Variants in C3orf70 observed in about 807,000 individuals in gnomAD.
C3orf70 encodes the protein UPF0524 protein C3orf70.
C3orf70 carries 15 observed loss-of-function variants against 20.7 expected under a neutral mutation model. The observed-to-expected ratio is 0.72, with a 90% CI of 0.48 to 1.11. The LOEUF (loss-of-function observed/expected upper bound fraction) is 1.11. C3orf70 is among the 50% of genes most tolerant of loss of function. C3orf70 has a pLI of 0.00. For missense variants in C3orf70, 332 were observed against 317.6 expected (o/e 1.05, Z -0.34); for synonymous variants, 161 against 125.7 (o/e 1.28, Z -1.88).
At chr3:185,146,277 T>A (rs892579658) in intron 1 of C3orf70, among the ~76,000 whole-genome samples, 1 of 5,640 alleles carries the variant, frequency 1.8e-4, no homozygotes, top group African/African-American at 5.3e-4. Flanking sequence ...ACAACTCTCA[T>A]TTTTTTTTTT....
chr3:185,083,056 G>C lies in C3orf70; in HGVS notation c.704C>G (p.Pro235Arg), dbSNP rs142152683. Residue 235 changes from proline to arginine, a missense_variant, in exon 2 of 2, where the codon CCC becomes CGC. Pro to Arg is a moderately radical substitution (Grantham distance 103, BLOSUM62 -2). Transcript: ENST00000335012. Reference protein sequence around the residue: ...WEPDECTLLSPSQSDLEVIET... With the variant: ...WEPDECTLLSRSQSDLEVIET... Reference sequence around the variant, plus strand: ...AATCACTTCCAGGTCAGACTGCGAGGGGGAGAGAAGGGTGCACTCATCCGG... The same window carrying C: ...AATCACTTCCAGGTCAGACTGCGAGCGGGAGAGAAGGGTGCACTCATCCGG... 2.2e-5 allele frequency: 36 copies of C among 1,614,026 alleles called. No individual in the cohort carries two copies. In the African/African-American group the frequency reaches 4.5e-4, roughly 20 times the overall value.
At chr3:185,141,009 G>GTA (rs1452405284) in intron 1 of C3orf70, among the ~76,000 whole-genome samples, 2 of 150,622 alleles carry the variant, frequency 1.3e-5, no homozygotes, top group Non-Finnish European at 3.0e-5. Context: ...ACCCCAGAAA[G>GTA]TGCTCTATCC....
Position 185,077,791 on chromosome 3 carries a change from G to GT in C3orf70, c.*5215_*5216insA, listed in dbSNP as rs66768941. On this transcript the variant is annotated 3_prime_UTR_variant, in exon 2 of 2. Coordinates refer to ENST00000335012, the MANE Select transcript of C3orf70 (RefSeq NM_001025266.3). ...AAATAAATGCTATTTGGTGGTGGTG[G>GT]GGGGGGGGTATCAAGTTTTATTTGC... Among the ~76,000 whole-genome samples the GT allele has an allele frequency of 2.6e-4, 38 of 147,074 alleles. 1 individual carries two copies. Among genetic ancestry groups the GT allele is most frequent in the Admixed American group, 5.5e-4 (8 of 14,652 alleles).
At chr3:185,136,711 G>C (rs536600516) in intron 1 of C3orf70, among the ~76,000 whole-genome samples, 1 of 149,318 alleles carries the variant, frequency 6.7e-6, no homozygotes, top group Admixed American at 6.7e-5. Flanking sequence ...GCGACAGAGC[G>C]AAGACTCTGT....
At chr3:185,129,289 T>TG (rs1359101982) in intron 1 of C3orf70, among the ~76,000 whole-genome samples, 1 of 152,200 alleles carries the variant, frequency 6.6e-6, no homozygotes, top group Non-Finnish European at 1.5e-5. Context: ...TGTGTTTGCA[T>TG]TGTTTAGCTC....
intron 1 of C3orf70, among the ~76,000 whole-genome samples, chr3:185,127,660 G>A (rs193198375): frequency 3.3e-5 from 5 of 151,970 alleles, no homozygotes; most frequent in East Asian, 3.9e-4. Flanking sequence ...GGCTGGTCTC[G>A]AACTCCTGAC....
chr3:185,097,729 T>G (rs921337377), intron 1 of C3orf70, among the ~76,000 whole-genome samples: 11 of 152,170 alleles, frequency 7.2e-5, no homozygotes, highest in African/African-American at 2.7e-4. Context: ...GAAGCACCCC[T>G]GCCTATAACG....
rs190779190 is a variant in C3orf70 at position 185,085,126 on chromosome 3, A to G, written c.197-1563T>C. Among the ~76,000 whole-genome samples the G allele has an allele frequency of 2.0e-5, 3 of 152,320 alleles. No homozygotes were observed. In the East Asian group the frequency reaches 5.8e-4, roughly 29 times the overall value. The stretch of plus-strand genomic sequence containing the variant: ...GGTGAAATCACCCTGATTAAGAACC[A>G]GTGATTTATGGTATCTTCATGAGCA... On this transcript the variant is annotated intron_variant, in intron 1 of 1. Transcript: ENST00000335012.
intron 1 of C3orf70, among the ~76,000 whole-genome samples, chr3:185,132,562 A>C (rs1303648066): frequency 1.3e-5 from 2 of 152,204 alleles, no homozygotes; most frequent in East Asian, 3.8e-4. Flanking sequence ...TCCAGAAGGC[A>C]GTATAGAGTG....
At chr3:185,106,874 C>T (rs114430542) in intron 1 of C3orf70, among the ~76,000 whole-genome samples, 7,921 of 151,460 alleles carry the variant, frequency 0.052, 667 homozygotes, top group African/African-American at 0.18. Context: ...GAGTCATTGA[C>T]TCAGATTACA....
chr3:185,125,257 T>C (rs1716382863), intron 1 of C3orf70, among the ~76,000 whole-genome samples: 1 of 152,036 alleles, frequency 6.6e-6, no homozygotes, highest in Admixed American at 6.6e-5. Context: ...AGCATGCCTG[T>C]AATCCCAGCT....
At chr3:185,120,933 G>A (rs1716284690) in intron 1 of C3orf70, among the ~76,000 whole-genome samples, 1 of 137,672 alleles carries the variant, frequency 7.3e-6, no homozygotes, top group Middle Eastern at 3.7e-3. Context: ...TTGAACACAC[G>A]TTTATAGCAG....
At chr3:185,122,276 T>C (rs2089068759) in intron 1 of C3orf70, among the ~76,000 whole-genome samples, 1 of 152,120 alleles carries the variant, frequency 6.6e-6, no homozygotes, top group South Asian at 2.1e-4. Context: ...AGAACATATA[T>C]AAGCCTAAAT....
chr3:185,085,547 C>G (rs534844704), intron 1 of C3orf70, among the ~76,000 whole-genome samples: 1 of 152,152 alleles, frequency 6.6e-6, no homozygotes, highest in Admixed American at 6.6e-5. Flanking sequence ...CAAGCCTGGA[C>G]GTACCTCATG....
intron 1 of C3orf70, among the ~76,000 whole-genome samples, chr3:185,122,278 A>T (rs1716318542): frequency 6.6e-6 from 1 of 152,208 alleles, no homozygotes; most frequent in African/African-American, 2.4e-5. Context: ...AACATATATA[A>T]GCCTAAATAT....
chr3:185,081,336 C>T lies in C3orf70; in HGVS notation c.*1671G>A, dbSNP rs1485079841. 12 of 152,060 alleles carry T rather than the reference C, an allele frequency of 7.9e-5. No individual in the cohort carries two copies. Among genetic ancestry groups the T allele is most frequent in the Admixed American group, 7.9e-4 (12 of 15,262 alleles). The allele number at this position is 152,060 out of a possible 1,614,324, so 9.4% of individuals were successfully genotyped here. A position where few individuals can be genotyped will look rare whatever the true frequency, so the allele number is the denominator to read the frequency against. ...GGCTGAGGCAGGAGAATCGCTTGAC[C>T]CCAGGAGGCAGAGGTTGTAGAGAGC... On this transcript the variant is annotated 3_prime_UTR_variant, in exon 2 of 2. Coordinates refer to ENST00000335012, the MANE Select transcript of C3orf70 (RefSeq NM_001025266.3).
chr3:185,105,922 A>C (rs1213561756), intron 1 of C3orf70, among the ~76,000 whole-genome samples: 2 of 151,178 alleles, frequency 1.3e-5, no homozygotes, highest in Non-Finnish European at 2.9e-5. Flanking sequence ...ACTGATGATG[A>C]GGAGGAAGGA....
At chr3:185,086,599 A>C (rs1385465261) in intron 1 of C3orf70, among the ~76,000 whole-genome samples, 1 of 152,232 alleles carries the variant, frequency 6.6e-6, no homozygotes, top group Non-Finnish European at 1.5e-5. Context: ...TGTGAGAAAT[A>C]CACGTTTGTT....
chr3:185,117,568 A>C (rs1716207555), intron 1 of C3orf70, among the ~76,000 whole-genome samples: 1 of 152,232 alleles, frequency 6.6e-6, no homozygotes, highest in South Asian at 2.1e-4. Context: ...CTTAGCAAAG[A>C]AACAAGTAGA....
Sources: allele counts gnomAD v4.1 joint callset (sites outside exome capture counted in the v4.1 genomes callset), GRCh38; gene constraint gnomAD v4.1.1; transcripts MANE v1.5; gene names NCBI Gene and HGNC (gene_info 2026-07-23, HGNC 2026-07-21).